The following EYS variants were observed in gnomAD, a reference collection of about 807,000 sequenced individuals.
EYS encodes protein eyes shut homolog.
EYS carries 250 observed loss-of-function variants against 282.1 expected under a neutral mutation model. The observed-to-expected ratio is 0.89, with a 90% CI of 0.80 to 0.98. EYS has a LOEUF of 0.98. Among genes scored for constraint, EYS ranks in the 50% least tolerant of loss-of-function variants. The probability of loss-of-function intolerance (pLI) is 0.00; values close to 1 mark genes in which losing one functional copy is unlikely to be tolerated. For synonymous variants in EYS, 1,355 were observed against 1,282.9 expected (o/e 1.06, Z -1.20); for missense variants, 4,016 against 3,709.0 (o/e 1.08, Z -2.15).
intron 31 of EYS, among the ~76,000 whole-genome samples, chr6:64,096,384 AC>A (rs1362347026): frequency 1.3e-5 from 2 of 152,210 alleles, no homozygotes; most frequent in African/African-American, 2.4e-5. Context: ...ACTTTCAGGT[AC>A]ACCAATCAGA....
chr6:64,340,044 T>A (rs568749844), intron 29 of EYS, among the ~76,000 whole-genome samples: 2 of 1,082 alleles, frequency 1.8e-3, no homozygotes, highest in Non-Finnish European at 2.9e-3. Flanking sequence ...CAATAATCTA[T>A]GAAAAAAAAT....
intron 12 of EYS, among the ~76,000 whole-genome samples, chr6:65,178,929 A>G (rs1385511898): frequency 1.3e-5 from 2 of 152,118 alleles, no homozygotes; most frequent in Non-Finnish European, 1.5e-5. Flanking sequence ...GCTCAACTAC[A>G]TGGAAACTGA....
At chr6:63,878,600 C>T (rs1484680334) in intron 35 of EYS, among the ~76,000 whole-genome samples, 1 of 152,182 alleles carries the variant, frequency 6.6e-6, no homozygotes, top group African/African-American at 2.4e-5. Flanking sequence ...GCAGGCAGGC[C>T]TCCTTGAACT....
At chr6:64,707,130 C>CAT (rs35121534) in intron 22 of EYS, among the ~76,000 whole-genome samples, 336 of 149,476 alleles carry the variant, frequency 2.2e-3, no homozygotes, top group African/African-American at 5.1e-3. Context: ...CACACACACA[C>CAT]ATATATATAT....
intron 12 of EYS, among the ~76,000 whole-genome samples, chr6:65,273,737 T>C (rs577942531): frequency 1.3e-5 from 2 of 152,340 alleles, no homozygotes; most frequent in South Asian, 4.1e-4. Context: ...TTACGTGACA[T>C]ATCACCGTAT....
chr6:65,056,637 C>T (rs1358358055), intron 13 of EYS, among the ~76,000 whole-genome samples: 2 of 151,780 alleles, frequency 1.3e-5, no homozygotes, highest in South Asian at 2.1e-4. Context: ...TTACTTAGGC[C>T]ATTCCCTCTG....
intron 12 of EYS, among the ~76,000 whole-genome samples, chr6:65,128,446 A>C (rs1175307881): frequency 6.6e-6 from 1 of 152,052 alleles, no homozygotes; most frequent in East Asian, 1.9e-4. Flanking sequence ...TCTGCCAAAA[A>C]GCTCCTAGAA....
chr6:64,783,697 C>T (rs1207736520), intron 22 of EYS, among the ~76,000 whole-genome samples: 2 of 152,110 alleles, frequency 1.3e-5, no homozygotes, highest in African/African-American at 4.8e-5. Context: ...TCAATGAATA[C>T]AATTTTTAAA....
rs375739875 is a variant in EYS at position 63,908,817 on chromosome 6, C to T, written c.7056-44459G>A. ...AAATGGCTATTTTCTATCTAAATGG[C>T]TATAGCATCAGCCCTGACCTCACTT... On this transcript the variant is annotated intron_variant, in intron 35 of 42. Transcript: ENST00000503581. Among the ~76,000 whole-genome samples the T allele has an allele frequency of 4.1e-3, 618 of 152,208 alleles. 3 individuals carry two copies. Among genetic ancestry groups the T allele is most frequent in the African/African-American group, 0.014 (591 of 41,514 alleles).
chr6:65,071,672 A>G, intron 12 of EYS, among the ~76,000 whole-genome samples: 1 of 151,826 alleles, frequency 6.6e-6, no homozygotes, highest in Non-Finnish European at 1.5e-5. Context: ...CAAGGGAAAT[A>G]ATATGGCATC....
At chr6:64,732,456 C>G (rs1772007167) in intron 22 of EYS, among the ~76,000 whole-genome samples, 1 of 151,892 alleles carries the variant, frequency 6.6e-6, no homozygotes, top group African/African-American at 2.4e-5. Context: ...GCCCTATAGT[C>G]TGTTTATAAA....
intron 26 of EYS, among the ~76,000 whole-genome samples, chr6:64,496,833 G>C (rs1001301584): frequency 6.6e-6 from 1 of 151,884 alleles, no homozygotes; most frequent in Non-Finnish European, 1.5e-5. Context: ...AGTTTCAAAA[G>C]CAACAAGTTT....
At chr6:64,549,891 C>G (rs542915834) in intron 26 of EYS, among the ~76,000 whole-genome samples, 222 of 152,246 alleles carry the variant, frequency 1.5e-3, no homozygotes, top group Non-Finnish European at 2.9e-3. Context: ...CCCTCCTCCC[C>G]CTACCCCACA....
intron 22 of EYS, among the ~76,000 whole-genome samples, chr6:64,685,320 T>G (rs1378637731): frequency 6.6e-6 from 1 of 152,184 alleles, no homozygotes; most frequent in Non-Finnish European, 1.5e-5. Context: ...AATCTCAAAT[T>G]CTTATTAATG....
At chr6:64,366,659 G>T (rs536233804) in intron 29 of EYS, among the ~76,000 whole-genome samples, 10 of 151,984 alleles carry the variant, frequency 6.6e-5, no homozygotes, top group African/African-American at 2.4e-4. Flanking sequence ...GTTAGCAAAG[G>T]TTGCAAGAAC....
chr6:65,371,743 G>GTGTA (rs1765160063), intron 8 of EYS, among the ~76,000 whole-genome samples: 1 of 48,096 alleles, frequency 2.1e-5, no homozygotes, highest in South Asian at 7.9e-4. Context: ...CTCTCTCTCT[G>GTGTA]TGTGTGTGTG....
chr6:64,388,985 A>G, intron 28 of EYS, 145 bp from the exon 29 acceptor site: 1 of 554,714 alleles, frequency 1.8e-6, no homozygotes, highest in Non-Finnish European at 2.8e-6. Flanking sequence ...TTAATCTGTT[A>G]TAAATTAGAA....
At chr6:65,519,768 T>C (rs1767293315) in intron 2 of EYS, among the ~76,000 whole-genome samples, 1 of 134,228 alleles carries the variant, frequency 7.5e-6, no homozygotes, top group Non-Finnish European at 1.5e-5. Flanking sequence ...CAGGCTGGAG[T>C]GTAGTGGAGT....
At chr6:64,156,233 G>A (rs1774917826) in intron 31 of EYS, among the ~76,000 whole-genome samples, 1 of 152,062 alleles carries the variant, frequency 6.6e-6, no homozygotes, top group South Asian at 2.1e-4. Context: ...TAGTGAATAA[G>A]TCTCACAAGA....
Sources: allele counts gnomAD v4.1 joint callset (sites outside exome capture counted in the v4.1 genomes callset), GRCh38; gene constraint gnomAD v4.1.1; transcripts MANE v1.5; gene names NCBI Gene and HGNC (gene_info 2026-07-23, HGNC 2026-07-21).